ARHGAP42: variants seen among roughly 807,000 people sequenced by gnomAD.
ARHGAP42 encodes Rho GTPase activating protein 42.
A neutral mutation model predicts 125.0 loss-of-function variants in ARHGAP42; 63 were observed. That is an observed-to-expected ratio of 0.50 (90% CI 0.41 to 0.62). ARHGAP42 has a LOEUF of 0.62. Ranked by LOEUF, ARHGAP42 falls within the 20% of genes least tolerant of loss-of-function variation. ARHGAP42 has a pLI of 0.00. For missense variants in ARHGAP42, 766 were observed against 1,024.2 expected, an observed-to-expected ratio of 0.75 and a Z score of 3.44; for synonymous variants, 339 against 351.0, an observed-to-expected ratio of 0.97 and a Z score of 0.38.
At position 100,765,532 on chromosome 11, in the gene ARHGAP42, C is replaced by T. The variant is rs555185660; in HGVS notation, c.155-4811C>T. On this transcript the variant is annotated intron_variant, in intron 1 of 23. Transcript: ENST00000298815. The stretch of plus-strand genomic sequence containing the variant: ...CTAGTTCTTGCGGCTATTGTGAGGA[C>T]TAATGGGTTAATTTATATTAAATGC... 3.3e-5 allele frequency among the ~76,000 whole-genome samples: 5 copies of T among 152,254 alleles called. No individual in the cohort carries two copies. The South Asian group carries it at 1.0e-3, about 32-fold the overall frequency.
chr11:100,827,266 A>T (rs1258970246), intron 3 of ARHGAP42, among the ~76,000 whole-genome samples: 1 of 152,078 alleles, frequency 6.6e-6, no homozygotes, highest in African/African-American at 2.4e-5. Context: ...GCCTCTCAAA[A>T]TGCTGGGATT....
chr11:100,789,516 G>A (rs1863516175), intron 2 of ARHGAP42, among the ~76,000 whole-genome samples: 1 of 152,128 alleles, frequency 6.6e-6, no homozygotes, highest in Non-Finnish European at 1.5e-5. Context: ...CAAGCCATGG[G>A]TGCAGTCAAG....
intron 12 of ARHGAP42, among the ~76,000 whole-genome samples, chr11:100,952,087 G>A (rs901588480): frequency 6.6e-6 from 1 of 152,022 alleles, no homozygotes; most frequent in African/African-American, 2.4e-5. Context: ...TTATTTTTAA[G>A]TTTTATTTTT....
At chr11:100,919,470 A>G (rs1867174478) in intron 5 of ARHGAP42, among the ~76,000 whole-genome samples, 1 of 151,886 alleles carries the variant, frequency 6.6e-6, no homozygotes, top group East Asian at 1.9e-4. Context: ...GCATAGTTCC[A>G]TTGACTAGAA....
intron 4 of ARHGAP42, among the ~76,000 whole-genome samples, chr11:100,904,333 G>A (rs984949101): frequency 7.4e-5 from 11 of 149,616 alleles, no homozygotes; most frequent in Non-Finnish European, 1.5e-5. Flanking sequence ...AACCTCCTCT[G>A]CCTCTCAGAT....
intron 3 of ARHGAP42, among the ~76,000 whole-genome samples, chr11:100,798,912 C>G (rs1863786722): frequency 6.6e-6 from 1 of 152,106 alleles, no homozygotes; most frequent in African/African-American, 2.4e-5. Context: ...GGGTACATTT[C>G]CTGAGCTGGG....
chr11:100,769,857 G>T (rs1357996852), intron 1 of ARHGAP42, among the ~76,000 whole-genome samples: 1 of 151,346 alleles, frequency 6.6e-6, no homozygotes, highest in Admixed American at 6.6e-5. Context: ...GAGAGCATCG[G>T]GAAAAATAGC....
chr11:100,833,345 A>G (rs564350404), intron 3 of ARHGAP42, among the ~76,000 whole-genome samples: 26 of 152,350 alleles, frequency 1.7e-4, no homozygotes, highest in Non-Finnish European at 2.2e-4. Context: ...TACATAAGAT[A>G]GTATTCTGGT....
At chr11:100,883,990 A>C (rs1866022693) in intron 4 of ARHGAP42, among the ~76,000 whole-genome samples, 1 of 152,218 alleles carries the variant, frequency 6.6e-6, no homozygotes, top group Non-Finnish European at 1.5e-5. Context: ...CAGTCTGTGC[A>C]TGGTGTTCAT....
At chr11:100,863,709 G>A (rs1400611232) in intron 4 of ARHGAP42, among the ~76,000 whole-genome samples, 1 of 152,140 alleles carries the variant, frequency 6.6e-6, no homozygotes, top group Non-Finnish European at 1.5e-5. Context: ...CAGTTGTCAA[G>A]GAAGTATTTA....
At chr11:100,724,205 C>G (rs1013413403) in intron 1 of ARHGAP42, among the ~76,000 whole-genome samples, 3 of 151,902 alleles carry the variant, frequency 2.0e-5, no homozygotes, top group Non-Finnish European at 4.4e-5. Context: ...TTAAACAGTT[C>G]TTAGATTCGA....
chr11:100,690,409 C>T (rs1369657360), intron 1 of ARHGAP42, among the ~76,000 whole-genome samples: 1 of 152,114 alleles, frequency 6.6e-6, no homozygotes, highest in Non-Finnish European at 1.5e-5. Context: ...TAATACACGC[C>T]TGACTATTCC....
chr11:100,979,819 C>T (rs765941851), intron 22 of ARHGAP42, among the ~76,000 whole-genome samples: 6 of 151,822 alleles, frequency 4.0e-5, no homozygotes, highest in African/African-American at 7.3e-5. Flanking sequence ...TTTAGATGTA[C>T]GAACACATTT....
intron 16 of ARHGAP42, 129 bp from the exon 17 acceptor site, chr11:100,965,542 G>A (rs1858068966): frequency 9.0e-6 from 7 of 777,266 alleles, no homozygotes; most frequent in Admixed American, 4.7e-5. Flanking sequence ...GATAATGACA[G>A]TACTACATGA....
At position 100,811,038 on chromosome 11, in the gene ARHGAP42, T is replaced by C. The variant is rs187750597; in HGVS notation, c.312+15872T>C. On this transcript the variant is annotated intron_variant, in intron 3 of 23. Transcript: ENST00000298815. Reference sequence around the variant, plus strand: ...TGGTGCAACCTTGGCTCACCGCAACTTCCGCCTCCTGGGTTCAAGTGATTC... The same window carrying C: ...TGGTGCAACCTTGGCTCACCGCAACCTCCGCCTCCTGGGTTCAAGTGATTC... Among the ~76,000 whole-genome samples the C allele has an allele frequency of 9.6e-3, 1,457 of 151,948 alleles. 17 individuals carry two copies. The highest frequency in any genetic ancestry group is 0.033 in the African/African-American group (1,383 of 41,510).
chr11:100,806,368 A>G (rs1275464956), intron 3 of ARHGAP42, among the ~76,000 whole-genome samples: 1 of 152,190 alleles, frequency 6.6e-6, no homozygotes, highest in Non-Finnish European at 1.5e-5. Context: ...ATACTGATTA[A>G]TCTTAAGTTT....
At chr11:100,924,818 A>G (rs2135248969) in intron 6 of ARHGAP42, among the ~76,000 whole-genome samples, 1 of 152,010 alleles carries the variant, frequency 6.6e-6, no homozygotes, top group Middle Eastern at 3.4e-3. Context: ...ACCTGAAATC[A>G]ATTTTTTTGT....
intron 17 of ARHGAP42, among the ~76,000 whole-genome samples, chr11:100,971,807 A>G (rs1469264862): frequency 6.6e-6 from 1 of 152,138 alleles, no homozygotes; most frequent in Non-Finnish European, 1.5e-5. Flanking sequence ...ACAACCTAAC[A>G]TGGGTTGTTA....
intron 1 of ARHGAP42, among the ~76,000 whole-genome samples, chr11:100,719,700 G>T (rs1313222229): frequency 6.6e-6 from 1 of 152,078 alleles, no homozygotes; most frequent in African/African-American, 2.4e-5. Context: ...GGTTCAAAAT[G>T]ACAGGTGGTA....
Sources: gnomAD v4.1 joint callset for allele counts (sites outside exome capture counted in the v4.1 genomes callset) on GRCh38, gnomAD v4.1.1 for gene constraint, MANE v1.5 for transcripts, NCBI Gene and HGNC (gene_info 2026-07-23, HGNC 2026-07-21) for gene names.